The following TMEM204 variants were observed in gnomAD, a reference collection of about 807,000 sequenced individuals.
TMEM204 encodes the protein transmembrane protein 204.
A neutral mutation model predicts 19.4 loss-of-function variants in TMEM204; 15 were observed. The ratio of observed to expected loss-of-function variants is 0.77; its 90% confidence interval spans 0.52 to 1.19. TMEM204 has a LOEUF of 1.19. Ranked by LOEUF, TMEM204 falls within the 50% of genes most tolerant of loss-of-function variation. The probability of loss-of-function intolerance (pLI) is 0.00; values close to 1 mark genes in which losing one functional copy is unlikely to be tolerated. For synonymous variants in TMEM204, 161 were observed against 146.0 expected (o/e 1.10, Z -0.74); for missense variants, 287 against 321.2 (o/e 0.89, Z 0.81).
Position 1,553,406 on chromosome 16 carries a change from C to T in TMEM204, c.437-1376C>T. 1 of 985,376 alleles carries T rather than the reference C, an allele frequency of 1.0e-6. No homozygotes were observed. The highest frequency in any genetic ancestry group is 4.7e-5 in the South Asian group (1 of 21,284). 61.0% of individuals were successfully genotyped at this position (985,376 alleles called of 1,614,324 possible). A position where few individuals can be genotyped will look rare whatever the true frequency, so the allele number is the denominator to read the frequency against. On this transcript the variant is annotated intron_variant, in intron 2 of 2. Transcript: ENST00000566264. The surrounding 1 kb of genome is among the most constrained non-coding windows in gnomAD (Gnocchi z 4.4). ...GCATGATTTGGTTTCCTGGGGAATG[C>T]AGGGGAGGCGGTTGGGAGTGGAGAG...
chr16:1,545,661 G>A (rs543135861), intron 2 of TMEM204, among the ~76,000 whole-genome samples: 1 of 152,326 alleles, frequency 6.6e-6, no homozygotes, highest in African/African-American at 2.4e-5. Context: ...GGTGGGGTGG[G>A]CAGTGGGGAG....
At chr16:1,539,557 G>T (rs2031421447) in intron 1 of TMEM204, among the ~76,000 whole-genome samples, 1 of 152,274 alleles carries the variant, frequency 6.6e-6, no homozygotes, top group Non-Finnish European at 1.5e-5. Context: ...CACCAGGCTG[G>T]CTCTCAGCCC....
chr16:1,544,350 AT>A (rs557776071), intron 2 of TMEM204, among the ~76,000 whole-genome samples: 1 of 151,204 alleles, frequency 6.6e-6, no homozygotes, highest in Non-Finnish European at 1.5e-5. Flanking sequence ...TGCCCGGCTA[AT>A]TTTTTTTGTA....
In TMEM204 at chr16:1,555,199, A is replaced by T; in HGVS notation, c.*173A>T. 1.2e-6 allele frequency: 1 copy of T among 829,262 alleles called. No individual in the cohort carries two copies. Among genetic ancestry groups the T allele is most frequent in the Non-Finnish European group, 1.8e-6 (1 of 548,616 alleles). 51.4% of individuals were successfully genotyped at this position (829,262 alleles called of 1,614,324 possible). On this transcript the variant is annotated 3_prime_UTR_variant, in exon 3 of 3. Transcript: ENST00000566264. ...GTGTGCGTTTACTGTTATGTCGGTCATATGTCTGTACGTGTCGTGGGCCAA... is the reference window on the plus strand; with the variant it reads ...GTGTGCGTTTACTGTTATGTCGGTCTTATGTCTGTACGTGTCGTGGGCCAA...
Position 1,542,059 on chromosome 16 carries a change from C to T in TMEM204, c.419C>T (p.Ala140Val), listed in dbSNP as rs1251053071. 1.2e-6 allele frequency: 2 copies of T among 1,608,670 alleles called. No individual in the cohort carries two copies. Among genetic ancestry groups the T allele is most frequent in the Non-Finnish European group, 1.7e-6 (2 of 1,178,444 alleles). ...CCGTGCTGGGAGGAGGCCATGGCCG[C>T]TGCATTCCAACTGGCGAGTAAGTAC... ...DAPCWEEAMAAAFQLASFVLV... is the reference protein window; with the variant it reads ...DAPCWEEAMAVAFQLASFVLV... Residue 140 changes from alanine (A) to valine (V), a missense_variant, in exon 2 of 3, where the codon GCT becomes GTT. Transcript: ENST00000566264.
intron 1 of TMEM204, among the ~76,000 whole-genome samples, chr16:1,537,807 G>A (rs1225552482): frequency 6.6e-6 from 1 of 152,200 alleles, no homozygotes; most frequent in African/African-American, 2.4e-5. Flanking sequence ...GCCAGAGCCT[G>A]GCGCTAGCTG....
intron 2 of TMEM204, among the ~76,000 whole-genome samples, chr16:1,542,298 G>T (rs1034275316): frequency 6.6e-6 from 1 of 152,258 alleles, no homozygotes; most frequent in African/African-American, 2.4e-5. Context: ...GGAGCAGGGA[G>T]GCTGCGACCA....
At chr16:1,552,514 A>G (rs957418484) in intron 2 of TMEM204, among the ~76,000 whole-genome samples, 5 of 152,126 alleles carry the variant, frequency 3.3e-5, no homozygotes, top group African/African-American at 1.2e-4. Flanking sequence ...CATTTTCCTC[A>G]CACACAACAC....
intron 2 of TMEM204, among the ~76,000 whole-genome samples, chr16:1,545,015 T>C (rs770554018): frequency 1.3e-5 from 2 of 152,234 alleles, no homozygotes; most frequent in African/African-American, 2.4e-5. Context: ...CTACTGTGGA[T>C]TTGGCATGTC....
At chr16:1,535,760 T>A (rs1388695753) in intron 1 of TMEM204, among the ~76,000 whole-genome samples, 1 of 152,250 alleles carries the variant, frequency 6.6e-6, no homozygotes, top group Non-Finnish European at 1.5e-5. Context: ...GGCCCTCGGC[T>A]GCACCGCACA....
At chr16:1,554,519 A>C (rs981054942) in intron 2 of TMEM204, among the ~76,000 whole-genome samples, 1 of 152,168 alleles carries the variant, frequency 6.6e-6, no homozygotes. Context: ...CCACCCCTCC[A>C]CAGCCGCCAG....
In TMEM204 at chr16:1,549,574, G is replaced by A. The variant is rs563910670; in HGVS notation, c.437-5208G>A. ...AGGCTCTTCAGTAGCTGGGATTACA[G>A]GTGCCCGCCACCACGCCCGGCTAAT... On this transcript the variant is annotated intron_variant, in intron 2 of 2. Transcript: ENST00000566264. 3.2e-4 allele frequency among the ~76,000 whole-genome samples: 48 copies of A among 152,330 alleles called. 2 individuals carry two copies. In the South Asian group the frequency reaches 9.7e-3, roughly 31 times the overall value.
intron 2 of TMEM204, among the ~76,000 whole-genome samples, chr16:1,544,538 C>A (rs919599954): frequency 2.6e-5 from 4 of 151,976 alleles, no homozygotes; most frequent in Admixed American, 2.6e-4. Context: ...CCATGTTGGT[C>A]CAGCTGGTCT....
intron 2 of TMEM204, among the ~76,000 whole-genome samples, chr16:1,550,738 G>A (rs867265072): frequency 1.4e-4 from 22 of 152,354 alleles, no homozygotes; most frequent in Middle Eastern, 3.4e-3. Flanking sequence ...TCCACATAGG[G>A]CAAGGCCCTG....
chr16:1,540,692 G>T, intron 1 of TMEM204: 2 of 354,466 alleles, frequency 5.6e-6, no homozygotes, highest in Non-Finnish European at 7.9e-6. Flanking sequence ...CTCCTGAGTG[G>T]TGAGGCTGCT....
chr16:1,533,200 C>T (rs3809586), upstream of TMEM204: 9,998 of 152,510 alleles, frequency 0.066, 567 homozygotes, highest in Admixed American at 0.18. The surrounding 1 kb of genome is among the most constrained non-coding windows in gnomAD (Gnocchi z 4.7). Flanking sequence ...TCCAGGCACA[C>T]GGGTCTCTCC....
intron 2 of TMEM204, among the ~76,000 whole-genome samples, chr16:1,552,578 C>T (rs910260013): frequency 5.9e-5 from 9 of 151,954 alleles, no homozygotes; most frequent in African/African-American, 2.2e-4. Context: ...CAATCGTGAG[C>T]AGAGGGCACA....
chr16:1,540,177 T>A (rs948547716), intron 1 of TMEM204, among the ~76,000 whole-genome samples: 1 of 152,192 alleles, frequency 6.6e-6, no homozygotes, highest in Non-Finnish European at 1.5e-5. Flanking sequence ...GGGGCAGATG[T>A]GAGCGCTGGA....
chr16:1,543,178 G>T (rs767054357), intron 2 of TMEM204, among the ~76,000 whole-genome samples: 26 of 152,260 alleles, frequency 1.7e-4, no homozygotes, highest in Non-Finnish European at 2.6e-4. Flanking sequence ...TGACCAGCAC[G>T]GAGCTGCCCG....
Sources: gnomAD v4.1 joint callset for allele counts (sites outside exome capture counted in the v4.1 genomes callset) on GRCh38, gnomAD v4.1.1 for gene constraint, Gnocchi (gnomAD v3.1) non-coding constraint, MANE v1.5 for transcripts, NCBI Gene and HGNC (gene_info 2026-07-23, HGNC 2026-07-21) for gene names.